The following TNKS variants were observed in gnomAD, a reference collection of about 807,000 sequenced individuals.
TNKS encodes poly [ADP-ribose] polymerase tankyrase-1.
Under a neutral mutation model 135.8 loss-of-function variants are expected in TNKS, and 72 were observed. The observed-to-expected ratio is 0.53, with a 90% CI of 0.44 to 0.64. The LOEUF (loss-of-function observed/expected upper bound fraction) is 0.64, where lower values mean the gene tolerates loss of function less well. Ranked by LOEUF, TNKS falls within the 30% of genes least tolerant of loss-of-function variation. The probability of loss-of-function intolerance (pLI) is 0.00; values close to 1 mark genes in which losing one functional copy is unlikely to be tolerated. For missense variants in TNKS, 1,769 were observed against 1,674.0 expected, an observed-to-expected ratio of 1.06 and a Z score of -0.99; for synonymous variants, 849 against 649.3, an observed-to-expected ratio of 1.31 and a Z score of -4.68.
At chr8:9,686,365 C>T (rs1422544787) in intron 5 of TNKS, among the ~76,000 whole-genome samples, 1 of 152,140 alleles carries the variant, frequency 6.6e-6, no homozygotes, top group African/African-American at 2.4e-5. Flanking sequence ...CATCTGAGTT[C>T]CCGATCCATC....
chr8:9,584,421 C>A (rs965763897), intron 2 of TNKS, among the ~76,000 whole-genome samples: 2 of 152,100 alleles, frequency 1.3e-5, no homozygotes, highest in African/African-American at 4.8e-5. Flanking sequence ...AAAATCTTAG[C>A]TATAGTAAGG....
intron 3 of TNKS, among the ~76,000 whole-genome samples, chr8:9,679,350 G>C (rs1197647383): frequency 6.6e-6 from 1 of 152,190 alleles, no homozygotes; most frequent in Non-Finnish European, 1.5e-5. Flanking sequence ...GCCTCCAAGA[G>C]GTTCATGGCA....
chr8:9,759,413 G>A (rs537508863), intron 20 of TNKS, among the ~76,000 whole-genome samples: 1 of 152,362 alleles, frequency 6.6e-6, no homozygotes, highest in Admixed American at 6.5e-5. Flanking sequence ...AGACACAAAT[G>A]CCAGGAGGTA....
chr8:9,711,032 G>C (rs1249591814), intron 11 of TNKS, among the ~76,000 whole-genome samples: 4 of 152,056 alleles, frequency 2.6e-5, no homozygotes, highest in Non-Finnish European at 2.9e-5. Context: ...ACTTAAGAGA[G>C]GAAAGAAGCA....
At chr8:9,752,678 G>A (rs771007726) in intron 20 of TNKS, 52 bp downstream of exon 20, 1 of 1,262,142 alleles carries the variant, frequency 7.9e-7, no homozygotes, top group South Asian at 1.2e-5. Context: ...CTAAGATTAG[G>A]CTGGATGCAG....
rs187472845 is a variant in TNKS, at chr8:9,776,305, C to T, written c.3898-345C>T. Among the ~76,000 whole-genome samples, 105 of 152,310 alleles carry T rather than the reference C, an allele frequency of 6.9e-4. No homozygotes were observed. The East Asian group carries it at 0.015, about 21-fold the overall frequency. ...ATTTAGCAAACTTTTATTGAACACA[C>T]GCTGTGTGACAGCACCAATGCTCTG... On this transcript the variant is annotated intron_variant, in intron 26 of 26. Transcript: ENST00000310430.
chr8:9,575,025 C>T (rs539626147), intron 1 of TNKS: 206 of 984,984 alleles, frequency 2.1e-4, no homozygotes, highest in Non-Finnish European at 2.4e-4. Context: ...TGATAAACTG[C>T]TATGTGTGCC....
chr8:9,735,139 A>T, intron 16 of TNKS, 55 bp downstream of exon 16: 1 of 1,527,570 alleles, frequency 6.5e-7, no homozygotes, highest in Non-Finnish European at 8.8e-7. Flanking sequence ...CACCTAATAC[A>T]GTTTACTAAA....
intron 20 of TNKS, among the ~76,000 whole-genome samples, chr8:9,757,222 G>A (rs572657838): frequency 2.6e-5 from 4 of 152,152 alleles, no homozygotes; most frequent in East Asian, 3.9e-4. Context: ...TGATCTGCCC[G>A]CCTTGGCCTC....
chr8:9,700,446 G>A (rs1198763587), intron 5 of TNKS, among the ~76,000 whole-genome samples: 1 of 152,136 alleles, frequency 6.6e-6, no homozygotes, highest in East Asian at 1.9e-4. Context: ...TGCTAGTGAT[G>A]ACCAGATTTT....
In TNKS at chr8:9,731,011, C is replaced by G; in HGVS notation, c.2123C>G (p.Ala708Gly). ...SVVEYLLHHGADVHAKDKGGL... is the reference protein window; with the variant it reads ...SVVEYLLHHGGDVHAKDKGGL... ...GTAGAGTACCTGCTACACCACGGTG[C>G]CGATGTCCATGCCAAAGACAAGGGG... The change falls in exon 14 of 27, where the codon GCC (alanine) becomes GGC (glycine). Residue 708 changes from alanine to glycine, a missense_variant. Physicochemically the swap from Ala to Gly is moderately conservative, Grantham distance 60 (BLOSUM62 0). Around this residue, in one of 5 missense-constraint regions of TNKS, gnomAD observed 69 missense variants for 120.3 expected, o/e 0.57. Coordinates refer to ENST00000310430, the MANE Select transcript of TNKS (RefSeq NM_003747.3). The G allele has an allele frequency of 6.2e-7, 1 of 1,611,608 alleles. No homozygotes were observed. The highest frequency in any genetic ancestry group is 8.5e-7 in the Non-Finnish European group (1 of 1,178,788).
intron 1 of TNKS, among the ~76,000 whole-genome samples, chr8:9,563,008 G>A (rs1276142785): frequency 2.0e-5 from 3 of 151,576 alleles, no homozygotes; most frequent in South Asian, 2.1e-4. Flanking sequence ...TTTATTATTC[G>A]TTCTTTTCTT....
At chr8:9,655,887 G>A (rs1255312929) in intron 3 of TNKS, among the ~76,000 whole-genome samples, 5 of 152,170 alleles carry the variant, frequency 3.3e-5, no homozygotes, top group Non-Finnish European at 2.9e-5. Flanking sequence ...AACAAAGCTG[G>A]ACGGAGAATG....
intron 5 of TNKS, among the ~76,000 whole-genome samples, chr8:9,694,050 CTGTA>C: frequency 6.6e-6 from 1 of 152,306 alleles, no homozygotes; most frequent in Non-Finnish European, 1.5e-5. Context: ...ACAAAATACA[CTGTA>C]TGTCACAGTT....
chr8:9,666,007 A>C (rs143974131), intron 3 of TNKS, among the ~76,000 whole-genome samples: 115 of 152,000 alleles, frequency 7.6e-4, no homozygotes, highest in African/African-American at 2.8e-3. Flanking sequence ...AAATGTGCAA[A>C]GTCATGCTCT....
rs180865890 is a variant in TNKS at position 9,712,325 on chromosome 8, T to C, written c.1749+2105T>C. Among the ~76,000 whole-genome samples the C allele has an allele frequency of 2.1e-3, 319 of 151,588 alleles. 1 individual carries two copies. The highest frequency in any genetic ancestry group is 3.7e-3 in the Non-Finnish European group (251 of 67,832). ...CAAGACACTATCTCTACAAAAAATT[T>C]AAAAATTAGCCAGTCGTGGTGGTGT... On this transcript the variant is annotated intron_variant, in intron 11 of 26. Coordinates refer to ENST00000310430, the MANE Select transcript of TNKS (RefSeq NM_003747.3).
At position 9,751,737 on chromosome 8, in the gene TNKS, G is replaced by T. The variant is rs140368048; in HGVS notation, c.2961G>T (p.Ser987=). 1 of 1,613,982 alleles carries T rather than the reference G, an allele frequency of 6.2e-7. No homozygotes were observed. Among genetic ancestry groups the T allele is most frequent in the Non-Finnish European group, 8.5e-7 (1 of 1,180,024 alleles). ...ISPASTPSCL[S]AASSIDNLTG... ...CAGCATCCACCCCCTCCTGCCTCTC[G>T]GCTGCCAGCAGCATAGACAACCTCA... The change falls in exon 19 of 27, where the codon TCG becomes TCT. Residue 987 remains serine (S), a synonymous_variant. Transcript: ENST00000310430.
intron 5 of TNKS, among the ~76,000 whole-genome samples, chr8:9,703,058 T>C (rs1381528270): frequency 6.6e-6 from 1 of 152,140 alleles, no homozygotes; most frequent in African/African-American, 2.4e-5. Flanking sequence ...TGTTTCTGTA[T>C]GGGTGAAAAC....
At chr8:9,720,901 T>C (rs2128812769) in intron 12 of TNKS, among the ~76,000 whole-genome samples, 1 of 152,312 alleles carries the variant, frequency 6.6e-6, no homozygotes, top group East Asian at 1.9e-4. Context: ...TAATTAATTG[T>C]TCCTACCTGT....
Sources: allele counts gnomAD v4.1 joint callset (sites outside exome capture counted in the v4.1 genomes callset), GRCh38; gene constraint gnomAD v4.1.1; regional missense constraint gnomAD v4.1.1; transcripts MANE v1.5; gene names NCBI Gene and HGNC (gene_info 2026-07-23, HGNC 2026-07-21).